ZNF804B: variants seen among roughly 807,000 people sequenced by gnomAD.
ZNF804B encodes the protein zinc finger protein 804B.
In ZNF804B, 80 loss-of-function variants were observed where a neutral mutation model predicts 101.4. That is an observed-to-expected ratio of 0.79 (90% CI 0.66 to 0.95). The LOEUF is 0.95. Ranked by LOEUF, ZNF804B falls within the 40% of genes least tolerant of loss-of-function variation. ZNF804B has a pLI of 0.00. For missense variants in ZNF804B, 1,673 were observed against 1,561.9 expected (o/e 1.07, Z -1.20); for synonymous variants, 622 against 558.8 (o/e 1.11, Z -1.59).
chr7:89,147,307 A>G (rs907668485), intron 1 of ZNF804B, among the ~76,000 whole-genome samples: 1 of 151,962 alleles, frequency 6.6e-6, no homozygotes, highest in African/African-American at 2.4e-5. Flanking sequence ...TTGGAGAGCA[A>G]TGACCAGATC....
intron 1 of ZNF804B, among the ~76,000 whole-genome samples, chr7:88,937,124 A>C (rs1792984461): frequency 6.7e-6 from 1 of 149,998 alleles, no homozygotes; most frequent in Non-Finnish European, 1.5e-5. Flanking sequence ...GCAAAAAAAA[A>C]AAAAAAAAAG....
At chr7:88,940,636 G>C (rs962021088) in intron 1 of ZNF804B, among the ~76,000 whole-genome samples, 11 of 151,690 alleles carry the variant, frequency 7.3e-5, no homozygotes, top group Non-Finnish European at 1.3e-4. Context: ...GGGCATGGTG[G>C]TGTGCACTTG....
At chr7:88,888,418 A>G (rs1411117393) in intron 1 of ZNF804B, among the ~76,000 whole-genome samples, 1 of 152,020 alleles carries the variant, frequency 6.6e-6, no homozygotes, top group Non-Finnish European at 1.5e-5. Flanking sequence ...TAGTTTTATG[A>G]TCATCTATTA....
At chr7:89,039,428 TTAAA>T (rs1788980498) in intron 1 of ZNF804B, among the ~76,000 whole-genome samples, 1 of 151,996 alleles carries the variant, frequency 6.6e-6, no homozygotes, top group Non-Finnish European at 1.5e-5. Flanking sequence ...ACCTCCTTGA[TTAAA>T]TATATTTCTA....
At chr7:88,825,540 C>T (rs1791040051) in intron 1 of ZNF804B, among the ~76,000 whole-genome samples, 1 of 108,696 alleles carries the variant, frequency 9.2e-6, no homozygotes, top group South Asian at 3.0e-4. Context: ...ATACCTGTGT[C>T]CTCTGTCTCC....
chr7:88,959,390 G>A (rs1243197192), intron 1 of ZNF804B, among the ~76,000 whole-genome samples: 2 of 151,370 alleles, frequency 1.3e-5, no homozygotes, highest in African/African-American at 4.8e-5. Flanking sequence ...CTAGCTCCAA[G>A]ACATTAAAAC....
intron 1 of ZNF804B, among the ~76,000 whole-genome samples, chr7:88,803,227 TG>T (rs1458864053): frequency 6.6e-6 from 1 of 152,128 alleles, no homozygotes. Context: ...TTGCTTTGTT[TG>T]TAAGTCTAGG....
intron 1 of ZNF804B, among the ~76,000 whole-genome samples, chr7:88,867,590 C>T (rs958232037): frequency 1.3e-5 from 2 of 152,208 alleles, no homozygotes; most frequent in African/African-American, 4.8e-5. Context: ...GGGAAATACT[C>T]TCAAAGACAC....
At chr7:88,915,085 T>C (rs941393603) in intron 1 of ZNF804B, among the ~76,000 whole-genome samples, 2 of 152,134 alleles carry the variant, frequency 1.3e-5, no homozygotes, top group Non-Finnish European at 2.9e-5. Context: ...TTAGAAATAT[T>C]ATGTGTATAC....
intron 1 of ZNF804B, among the ~76,000 whole-genome samples, chr7:88,971,104 A>T (rs949342643): frequency 5.3e-5 from 8 of 151,538 alleles, no homozygotes; most frequent in African/African-American, 1.5e-4. Flanking sequence ...GGCAGAATTG[A>T]GTAGTTGCAA....
intron 1 of ZNF804B, among the ~76,000 whole-genome samples, chr7:89,138,099 G>A (rs1790663260): frequency 6.6e-6 from 1 of 152,152 alleles, no homozygotes; most frequent in Non-Finnish European, 1.5e-5. Flanking sequence ...AGATTTCAGA[G>A]GATGTATGGA....
intron 1 of ZNF804B, among the ~76,000 whole-genome samples, chr7:89,054,704 G>A (rs2213985): frequency 7.2e-5 from 11 of 151,890 alleles, no homozygotes; most frequent in African/African-American, 1.7e-4. Context: ...GCTAGAGCAC[G>A]CTTATTCATT....
intron 1 of ZNF804B, among the ~76,000 whole-genome samples, chr7:88,781,391 A>G (rs746397397): frequency 2.1e-4 from 32 of 152,142 alleles, no homozygotes; most frequent in Non-Finnish European, 5.9e-5. Context: ...AACATGTTCT[A>G]GAGTATCTTC....
At chr7:88,820,705 C>G (rs1381444216) in intron 1 of ZNF804B, among the ~76,000 whole-genome samples, 1 of 152,096 alleles carries the variant, frequency 6.6e-6, no homozygotes, top group East Asian at 1.9e-4. Context: ...GTTGCCTTTT[C>G]TTATTGCTGT....
intron 2 of ZNF804B, among the ~76,000 whole-genome samples, chr7:89,230,486 G>C (rs1387673059): frequency 6.6e-6 from 1 of 152,080 alleles, no homozygotes; most frequent in Non-Finnish European, 1.5e-5. Flanking sequence ...ACTAAAGTTG[G>C]TGAGCTAACA....
intron 2 of ZNF804B, among the ~76,000 whole-genome samples, chr7:89,235,597 C>T (rs867888294): frequency 6.6e-6 from 1 of 152,086 alleles, no homozygotes; most frequent in Non-Finnish European, 1.5e-5. Flanking sequence ...GCAAAAACAT[C>T]CTGGATCCAG....
At chr7:89,004,643 A>G (rs917364519) in intron 1 of ZNF804B, among the ~76,000 whole-genome samples, 3 of 151,886 alleles carry the variant, frequency 2.0e-5, no homozygotes, top group African/African-American at 7.2e-5. Flanking sequence ...AGTGGTGAAT[A>G]TTTTTAGTGG....
chr7:89,324,923 A>G (rs1790876569), intron 2 of ZNF804B, among the ~76,000 whole-genome samples: 1 of 151,442 alleles, frequency 6.6e-6, no homozygotes, highest in African/African-American at 2.4e-5. Context: ...TCCTGCTTTT[A>G]TGATTTTTTT....
intron 1 of ZNF804B, among the ~76,000 whole-genome samples, chr7:88,814,050 T>G (rs1790835535): frequency 6.6e-6 from 1 of 152,144 alleles, no homozygotes; most frequent in East Asian, 1.9e-4. Flanking sequence ...TTGAGAGAAA[T>G]GTATGCAGAA....
Sources: allele counts gnomAD v4.1 joint callset (sites outside exome capture counted in the v4.1 genomes callset), GRCh38; gene constraint gnomAD v4.1.1; transcripts MANE v1.5; gene names NCBI Gene and HGNC (gene_info 2026-07-23, HGNC 2026-07-21).